The following UBR2 variants were observed in gnomAD, a reference collection of about 807,000 sequenced individuals.
UBR2 encodes the protein ubiquitin protein ligase E3 component n-recognin 2, also known as E3 ubiquitin-protein ligase UBR2.
A neutral mutation model predicts 247.9 loss-of-function variants in UBR2; 92 were observed. The ratio of observed to expected loss-of-function variants is 0.37; its 90% CI spans 0.31 to 0.44. The LOEUF (loss-of-function observed/expected upper bound fraction) is 0.44, where lower values mean the gene tolerates loss of function less well. Among genes scored for constraint, UBR2 ranks in the 20% least tolerant of loss-of-function variants. The pLI, the probability that UBR2 is intolerant of heterozygous loss-of-function variation, is 1.00. For synonymous variants in UBR2, 672 were observed against 693.5 expected, an observed-to-expected ratio of 0.97 and a Z score of 0.49; for missense variants, 1,613 against 2,112.6, an observed-to-expected ratio of 0.76 and a Z score of 4.64.
intron 2 of UBR2, among the ~76,000 whole-genome samples, chr6:42,576,332 T>C (rs1791502577): frequency 6.6e-6 from 1 of 152,176 alleles, no homozygotes; most frequent in Non-Finnish European, 1.5e-5. Context: ...TTTCTTCCTT[T>C]GCATATTTTT....
chr6:42,686,224 C>G (rs1312288147), intron 44 of UBR2, among the ~76,000 whole-genome samples: 1 of 151,898 alleles, frequency 6.6e-6, no homozygotes, highest in Non-Finnish European at 1.5e-5. Flanking sequence ...GAGGTCCCTG[C>G]GGCCTTCCGC....
intron 4 of UBR2, among the ~76,000 whole-genome samples, chr6:42,602,440 G>A (rs1031981825): frequency 1.3e-5 from 2 of 151,806 alleles, no homozygotes; most frequent in East Asian, 1.9e-4. Context: ...CTGACCTCGC[G>A]ATCCGCCTGC....
At chr6:42,687,959 TCTC>T (rs1799537988) in intron 44 of UBR2, among the ~76,000 whole-genome samples, 2 of 139,504 alleles carry the variant, frequency 1.4e-5, no homozygotes. Flanking sequence ...TTTATCTTTT[TCTC>T]CTATTGATGA....
rs16895945 is a variant in UBR2, at chr6:42,674,234, A to G, written c.4251+41A>G. The G allele has an allele frequency of 4.7e-3, 7,541 of 1,591,120 alleles. 282 individuals carry two copies. In the African/African-American group the frequency reaches 0.087, roughly 18 times the overall value. On this transcript the variant is annotated intron_variant, in intron 38 of 46. Transcript: ENST00000372901. ...TTTGTTTGGACTTCTACGTCATACT[A>G]TGTAACTTTACCTTAGGTTTGGTGA...
At chr6:42,622,796 A>G (rs376932263) in intron 11 of UBR2, among the ~76,000 whole-genome samples, 2 of 150,616 alleles carry the variant, frequency 1.3e-5, no homozygotes, top group African/African-American at 4.9e-5. Context: ...TCAGCCATGT[A>G]TCCAGCCACT....
At chr6:42,680,100 G>C (rs1428623907) in intron 42 of UBR2, among the ~76,000 whole-genome samples, 1 of 152,108 alleles carries the variant, frequency 6.6e-6, no homozygotes, top group Non-Finnish European at 1.5e-5. Flanking sequence ...CCACCTCCTG[G>C]GTTCAGGGGA....
Position 42,670,073 on chromosome 6 carries a change from T to G in UBR2, c.3882-19T>G. ...ATGTGCACATTGTTCTGAGCTAATT[T>G]TATACATGTTTACTTCAGGATCCCT... On this transcript the variant is annotated intron_variant, in intron 34 of 46. Transcript: ENST00000372901. The G allele has an allele frequency of 4.3e-6, 7 of 1,612,566 alleles. No individual in the cohort carries two copies. Among genetic ancestry groups the G allele is most frequent in the Non-Finnish European group, 5.1e-6 (6 of 1,178,884 alleles).
intron 3 of UBR2, among the ~76,000 whole-genome samples, chr6:42,593,817 A>G (rs553690822): frequency 6.6e-6 from 1 of 152,296 alleles, no homozygotes; most frequent in African/African-American, 2.4e-5. Context: ...CAACTAGAGG[A>G]ATCTGTATAA....
At position 42,679,784 on chromosome 6, in the gene UBR2, T is replaced by G; in HGVS notation, c.4670T>G (p.Ile1557Ser). The G allele has an allele frequency of 6.2e-7, 1 of 1,613,714 alleles. No homozygotes were observed. The change falls in exon 42 of 47, where the codon ATT becomes AGT. Residue 1557 changes from isoleucine to serine, a missense_variant. Ile to Ser is a moderately radical substitution (Grantham distance 142). This residue lies in a region of UBR2 where 1,524 missense variants were observed against 1,967.3 expected (regional missense o/e 0.77). Coordinates refer to ENST00000372901, the MANE Select transcript of UBR2 (RefSeq NM_001363705.2). ...TATCTTTCCCTACCAAACAACCTCA[T>G]TTGCCTTTTTCAAGAAAATAGTGAG... ...CSYLSLPNNL[I>S]CLFQENSEIM...
intron 15 of UBR2, among the ~76,000 whole-genome samples, chr6:42,639,675 A>C (rs1796306526): frequency 6.6e-6 from 1 of 152,232 alleles, no homozygotes; most frequent in East Asian, 1.9e-4. Flanking sequence ...CAGTGGCCAG[A>C]AGGATCTCTC....
In UBR2 at chr6:42,605,116, C is replaced by A. The variant is rs146397719; in HGVS notation, c.663-605C>A. On this transcript the variant is annotated intron_variant, in intron 5 of 46. Coordinates refer to ENST00000372901, the MANE Select transcript of UBR2 (RefSeq NM_001363705.2). ...CCAGACTAGTGTCATACTAATCTCC[C>A]CCTTCTTCCTTGTGCTCCATCTCCC... Among the ~76,000 whole-genome samples, 594 of 152,208 alleles carry A rather than the reference C, an allele frequency of 3.9e-3. 1 individual carries two copies. The highest frequency in any genetic ancestry group is 0.013 in the African/African-American group (556 of 41,522).
chr6:42,574,125 T>C, intron 2 of UBR2, 132 bp downstream of exon 2: 1 of 865,170 alleles, frequency 1.2e-6, no homozygotes. Flanking sequence ...TACAAATACA[T>C]GCTATTTAAT....
At chr6:42,663,187 T>C in intron 31 of UBR2, 71 bp from the exon 32 acceptor site, 1 of 1,242,652 alleles carries the variant, frequency 8.0e-7, no homozygotes. Flanking sequence ...TTATTTTAAA[T>C]GTTGAAGCTT....
chr6:42,659,969 A>G lies in UBR2; in HGVS notation c.3442+114A>G. 1 of 1,040,890 alleles carries G rather than the reference A, an allele frequency of 9.6e-7. No individual in the cohort carries two copies. Among genetic ancestry groups the G allele is most frequent in the Non-Finnish European group, 1.4e-6 (1 of 721,640 alleles). 64.5% of individuals were successfully genotyped at this position (1,040,890 alleles called of 1,614,324 possible). On this transcript the variant is annotated intron_variant, in intron 30 of 46. Transcript: ENST00000372901. The surrounding 1 kb of genome is among the most constrained non-coding windows in gnomAD (Gnocchi z 4.3). ...AAATAACTCCATGGACTTGGATGGT[A>G]TCTTTGGCAGGTAACTTAGGCAGGA...
chr6:42,576,503 G>A (rs1287803841), intron 2 of UBR2, among the ~76,000 whole-genome samples: 1 of 148,170 alleles, frequency 6.7e-6, no homozygotes, highest in Non-Finnish European at 1.5e-5. Flanking sequence ...TCAGTACTGG[G>A]TCACAGTGGC....
chr6:42,683,206 C>T lies in UBR2; in HGVS notation c.4775+95C>T, dbSNP rs141308046. On this transcript the variant is annotated intron_variant, in intron 43 of 46. Transcript: ENST00000372901. ...TTCCTTCAGAAACTGACTTCTCAAG[C>T]CTTTAGTGATTCCAAAAGGTTAAGA... The T allele has an allele frequency of 8.0e-6, 8 of 1,004,750 alleles. No individual in the cohort carries two copies. The African/African-American group carries it at 1.2e-4, about 15-fold the overall frequency. The allele number at this position is 1,004,750 out of a possible 1,614,324, so 62.2% of individuals were successfully genotyped here.
At chr6:42,658,590 GA>G in intron 28 of UBR2, 55 bp from the exon 29 acceptor site, 7 of 1,511,290 alleles carry the variant, frequency 4.6e-6, no homozygotes, top group South Asian at 2.6e-5. Flanking sequence ...TTCTGCTTTG[GA>G]AAAAAATGTG....
At chr6:42,656,917 T>A (rs1216031055) in intron 26 of UBR2, among the ~76,000 whole-genome samples, 1 of 152,142 alleles carries the variant, frequency 6.6e-6, no homozygotes, top group African/African-American at 2.4e-5. Context: ...TACTCCCTAA[T>A]TTCATTCACT....
intron 43 of UBR2, among the ~76,000 whole-genome samples, chr6:42,684,346 G>A (rs1431069247): frequency 6.6e-6 from 1 of 152,088 alleles, no homozygotes; most frequent in African/African-American, 2.4e-5. Flanking sequence ...GGAGGCCGAG[G>A]CGGGCAGATC....
Sources: gnomAD v4.1 joint callset for allele counts (sites outside exome capture counted in the v4.1 genomes callset) on GRCh38, gnomAD v4.1.1 for gene constraint, gnomAD v4.1.1 regional missense constraint, Gnocchi (gnomAD v3.1) non-coding constraint, MANE v1.5 for transcripts, NCBI Gene and HGNC (gene_info 2026-07-23, HGNC 2026-07-21) for gene names.